The following PPARGC1A variants were observed in gnomAD, a reference collection of about 807,000 sequenced individuals.
PPARGC1A encodes PPARG coactivator 1 alpha, also known as peroxisome proliferator-activated receptor gamma coactivator 1-alpha.
In PPARGC1A, 25 loss-of-function variants were observed where a neutral mutation model predicts 88.7. The ratio of observed to expected loss-of-function variants is 0.28; its 90% CI spans 0.21 to 0.39. The LOEUF is 0.39. PPARGC1A is among the 10% of genes least tolerant of loss of function. The probability of loss-of-function intolerance (pLI) is 1.00; values close to 1 mark genes in which losing one functional copy is unlikely to be tolerated. For synonymous variants in PPARGC1A, 363 were observed against 355.6 expected, an observed-to-expected ratio of 1.02 and a Z score of -0.24; for missense variants, 880 against 968.7, an observed-to-expected ratio of 0.91 and a Z score of 1.22.
At chr4:24,458,165 T>C in the PPARGC1A span, among the ~76,000 whole-genome samples, 1 of 152,112 alleles carries the variant, frequency 6.6e-6, no homozygotes, top group Non-Finnish European at 1.5e-5. Flanking sequence ...CTAATATGTA[T>C]GGTTGTTAAA....
the PPARGC1A span, among the ~76,000 whole-genome samples, chr4:23,925,314 G>A: frequency 2.6e-5 from 4 of 152,288 alleles, no homozygotes; most frequent in Admixed American, 6.5e-5. Context: ...TGGATAAATT[G>A]TCTGCACACC....
chr4:24,309,928 T>G, the PPARGC1A span, among the ~76,000 whole-genome samples: 50 of 152,144 alleles, frequency 3.3e-4, 1 homozygote, highest in African/African-American at 1.2e-3. Context: ...TCAATGTATA[T>G]GAAGTATGTA....
At chr4:24,132,390 GC>G in the PPARGC1A span, among the ~76,000 whole-genome samples, 13 of 152,064 alleles carry the variant, frequency 8.5e-5, no homozygotes, top group Non-Finnish European at 1.5e-4. Context: ...TTTGAAGGCT[GC>G]CTAGAGTCCC....
At chr4:24,309,775 C>G in the PPARGC1A span, among the ~76,000 whole-genome samples, 1 of 152,224 alleles carries the variant, frequency 6.6e-6, no homozygotes, top group Admixed American at 6.5e-5. Flanking sequence ...TTGAAAAACA[C>G]CCTGGCTGCT....
chr4:24,090,735 G>A, the PPARGC1A span, among the ~76,000 whole-genome samples: 4,228 of 152,262 alleles, frequency 0.028, 185 homozygotes, highest in African/African-American at 0.095. Flanking sequence ...CAGTGGATGC[G>A]TAAAAATATG....
At chr4:23,818,933 A>C (rs144060574) in intron 7 of PPARGC1A, among the ~76,000 whole-genome samples, 2 of 137,758 alleles carry the variant, frequency 1.5e-5, no homozygotes, top group African/African-American at 2.7e-5. Flanking sequence ...TTTGTTTAAC[A>C]GTGGGATTTT....
chr4:24,116,427 T>C, the PPARGC1A span, among the ~76,000 whole-genome samples: 3 of 152,232 alleles, frequency 2.0e-5, no homozygotes, highest in Non-Finnish European at 4.4e-5. Context: ...ACACTCTATG[T>C]GTTTGGGATC....
At chr4:24,161,740 G>C in the PPARGC1A span, among the ~76,000 whole-genome samples, 3 of 152,126 alleles carry the variant, frequency 2.0e-5, no homozygotes, top group Non-Finnish European at 1.5e-5. Context: ...AGCAGGAAGG[G>C]GGTTGGCAGG....
chr4:23,829,969 T>A (rs1431589156), intron 3 of PPARGC1A, among the ~76,000 whole-genome samples: 1 of 152,220 alleles, frequency 6.6e-6, no homozygotes, highest in African/African-American at 2.4e-5. Flanking sequence ...CTACATATTT[T>A]TTTTGAACAA....
At chr4:24,159,301 C>G in the PPARGC1A span, among the ~76,000 whole-genome samples, 1 of 149,020 alleles carries the variant, frequency 6.7e-6, no homozygotes, top group Non-Finnish European at 1.5e-5. Context: ...ACTTCCGCCT[C>G]CTGGGTTCAA....
the PPARGC1A span, among the ~76,000 whole-genome samples, chr4:24,023,019 A>G: frequency 6.6e-6 from 1 of 152,168 alleles, no homozygotes; most frequent in East Asian, 1.9e-4. Context: ...AACACTTAAA[A>G]TGCTAATTAA....
chr4:24,114,333 A>C, the PPARGC1A span, among the ~76,000 whole-genome samples: 3 of 152,192 alleles, frequency 2.0e-5, no homozygotes, highest in Non-Finnish European at 2.9e-5. Flanking sequence ...GACAGATGAC[A>C]ATGATCAGCT....
the PPARGC1A span, among the ~76,000 whole-genome samples, chr4:24,137,963 A>C: frequency 6.6e-6 from 1 of 152,186 alleles, no homozygotes; most frequent in East Asian, 1.9e-4. Context: ...ACATGATCAT[A>C]AAAACCTTTC....
chr4:23,984,577 A>T, the PPARGC1A span, among the ~76,000 whole-genome samples: 1 of 152,152 alleles, frequency 6.6e-6, no homozygotes, highest in Non-Finnish European at 1.5e-5. Flanking sequence ...CTTAGGGAAT[A>T]AATTTTTAAA....
the PPARGC1A span, among the ~76,000 whole-genome samples, chr4:24,201,746 CATAT>C: frequency 5.3e-5 from 8 of 152,232 alleles, no homozygotes; most frequent in Non-Finnish European, 7.4e-5. Flanking sequence ...CCTTCATAAA[CATAT>C]ATAATTATTT....
chr4:23,840,282 T>C (rs1210263727), intron 2 of PPARGC1A, among the ~76,000 whole-genome samples: 3 of 152,018 alleles, frequency 2.0e-5, no homozygotes, highest in African/African-American at 7.2e-5. Context: ...TACACCAGGC[T>C]AACTGGAATG....
At chr4:24,211,072 T>C in the PPARGC1A span, among the ~76,000 whole-genome samples, 13 of 152,216 alleles carry the variant, frequency 8.5e-5, no homozygotes, top group Admixed American at 5.9e-4. Context: ...TCAACCACTC[T>C]AGACGCTGAA....
chr4:23,990,902 A>G, the PPARGC1A span, among the ~76,000 whole-genome samples: 1 of 152,068 alleles, frequency 6.6e-6, no homozygotes, highest in Non-Finnish European at 1.5e-5. Flanking sequence ...AGAAATTCAC[A>G]TCTGTGGCTA....
the PPARGC1A span, among the ~76,000 whole-genome samples, chr4:24,152,532 A>T: frequency 1.3e-5 from 2 of 152,210 alleles, no homozygotes; most frequent in African/African-American, 4.8e-5. Context: ...GGTTGAACAC[A>T]ATCAGGAGCT....
Sources: gnomAD v4.1 joint callset for allele counts (sites outside exome capture counted in the v4.1 genomes callset) on GRCh38, gnomAD v4.1.1 for gene constraint, MANE v1.5 for transcripts, NCBI Gene and HGNC (gene_info 2026-07-23, HGNC 2026-07-21) for gene names.